The following ZNF529 variants were observed in gnomAD, a reference collection of about 807,000 sequenced individuals.
The protein encoded by ZNF529 is zinc finger protein 529.
In ZNF529, 11 loss-of-function variants were observed where a neutral mutation model predicts 10.1. The ratio of observed to expected loss-of-function variants is 1.09; its 90% CI spans 0.69 to 1.81. The LOEUF (loss-of-function observed/expected upper bound fraction) is 1.81. Ranked by LOEUF, ZNF529 falls within the 40% of genes most tolerant of loss-of-function variation. The pLI is 0.00. For missense variants in ZNF529, 624 were observed against 666.8 expected, an observed-to-expected ratio of 0.94 and a Z score of 0.71; for synonymous variants, 204 against 215.7, an observed-to-expected ratio of 0.95 and a Z score of 0.47.
In ZNF529 at chr19:36,546,550, C is replaced by A; in HGVS notation, c.*316G>T. ...CAGAAAAGATATTGAAGTAATATTA[C>A]AATTAAAAAACTGAATAGTCAAAAG... On this transcript the variant is annotated 3_prime_UTR_variant, in exon 5 of 5. Transcript: ENST00000591340. 1 of 236,120 alleles carries A rather than the reference C, an allele frequency of 4.2e-6. No individual in the cohort carries two copies. The highest frequency in any genetic ancestry group is 8.2e-6 in the Non-Finnish European group (1 of 122,680). The allele number at this position is 236,120 out of a possible 1,614,324, so 14.6% of individuals were successfully genotyped here.
chr19:36,552,528 T>G (rs1022415548), intron 4 of ZNF529, among the ~76,000 whole-genome samples: 2 of 152,152 alleles, frequency 1.3e-5, no homozygotes, highest in African/African-American at 4.8e-5. Context: ...CAGGGGCTAA[T>G]CTCCCTCCTG....
At position 36,554,668 on chromosome 19, in the gene ZNF529, AC is replaced by A; in HGVS notation, c.235+1del. 1 of 1,550,906 alleles carries A rather than the reference AC, an allele frequency of 6.4e-7. No individual in the cohort carries two copies. Among genetic ancestry groups the A allele is most frequent in the Non-Finnish European group, 8.7e-7 (1 of 1,145,976 alleles). ...TAAGTTATTTAAGGCAGATAAATTT[AC>A]CCAGTGAGAGTAAGTTGCTGTAGTT... is the stretch of plus-strand genomic sequence containing the variant. On this transcript the variant is annotated splice_donor_variant, in intron 4 of 4. Transcript: ENST00000591340. LOFTEE classifies it high-confidence loss of function.
rs1436212268 is a variant in ZNF529 at position 36,555,542 on chromosome 19, C to T, written c.108+562G>A. Among the ~76,000 whole-genome samples the T allele has an allele frequency of 2.7e-4, 7 of 25,742 alleles. 3 individuals are homozygous for T. The highest frequency in any genetic ancestry group is 2.5e-3 in the African/African-American group (7 of 2,796). 16.9% of individuals were successfully genotyped at this position (25,742 alleles called of 152,430 possible). ...CGATCTCCTGACCTCATGATCCACC[C>T]GCCTCGGCCTCCCAAAGTGCTGGGA... On this transcript the variant is annotated intron_variant, in intron 3 of 4. Coordinates refer to ENST00000591340, the MANE Select transcript of ZNF529 (RefSeq NM_020951.5).
chr19:36,588,652 G>A (rs1032965818), intron 2 of ZNF529, among the ~76,000 whole-genome samples: 2 of 152,118 alleles, frequency 1.3e-5, no homozygotes, highest in African/African-American at 4.8e-5. Context: ...AAGGGGCCAT[G>A]ACAAATATTA....
chr19:36,578,973 G>A lies in ZNF529; in HGVS notation c.-41+10642C>T, dbSNP rs1266964419. On this transcript the variant is annotated intron_variant, in intron 2 of 4. Transcript: ENST00000585960. ...TATAATCCCAGCACTTGGGGAGGCC[G>A]AGGCGGGTGGATCACCTGCTGAGGT... 3.9e-5 allele frequency among the ~76,000 whole-genome samples: 6 copies of A among 151,992 alleles called. No homozygotes were observed. The East Asian group carries it at 6.0e-4, about 15-fold the overall frequency.
At chr19:36,575,415 C>T (rs2036291273), upstream of ZNF529, among the ~76,000 whole-genome samples, 1 of 152,266 alleles carries the variant, frequency 6.6e-6, no homozygotes, top group East Asian at 1.9e-4. Context: ...AAAATACTTT[C>T]ATCCCTACCA....
At chr19:36,557,651 C>A (rs2035531555) in intron 2 of ZNF529, among the ~76,000 whole-genome samples, 1 of 152,186 alleles carries the variant, frequency 6.6e-6, no homozygotes, top group Non-Finnish European at 1.5e-5. Flanking sequence ...ATACAAGAGC[C>A]AAACCATATT....
chr19:36,602,946 A>AC (rs1490678418), intron 1 of ZNF529, among the ~76,000 whole-genome samples: 8 of 151,334 alleles, frequency 5.3e-5, no homozygotes, highest in Admixed American at 2.6e-4. Context: ...AAAAAAAAAA[A>AC]AAAACACGTG....
At chr19:36,579,951 A>C (rs2036426488) in intron 2 of ZNF529, among the ~76,000 whole-genome samples, 1 of 152,140 alleles carries the variant, frequency 6.6e-6, no homozygotes, top group Admixed American at 6.5e-5. Flanking sequence ...TTCACTTAAA[A>C]CGCAAACACA....
In ZNF529 at chr19:36,546,924, A is replaced by G. The variant is rs372576892; in HGVS notation, c.1634T>C (p.Val545Ala). Residue 545 changes from valine (V) to alanine (A), a missense_variant, in exon 5 of 5, where the codon GTT (valine) becomes GCT (alanine). Val to Ala is a moderately conservative substitution (Grantham distance 64). Transcript: ENST00000591340. Reference sequence around the variant, plus strand: ...CGGTTGGCAAGTAAGATGCCCAACAACACTAAAGGAATTCCCACACTCCTT... The same window carrying G: ...CGGTTGGCAAGTAAGATGCCCAACAGCACTAAAGGAATTCCCACACTCCTT... Reference protein sequence around the residue: ...ECKECGNSFSVVGHLTCQPKI... With the variant: ...ECKECGNSFSAVGHLTCQPKI... The G allele has an allele frequency of 6.2e-7, 1 of 1,613,532 alleles. No individual in the cohort carries two copies. The highest frequency in any genetic ancestry group is 1.3e-5 in the African/African-American group (1 of 74,934).
At chr19:36,581,299 T>A (rs1405904193) in intron 2 of ZNF529, 2 of 152,020 alleles carry the variant, frequency 1.3e-5, no homozygotes, top group African/African-American at 2.4e-5. Context: ...GATCTACAGA[T>A]CATTGAATAA....
chr19:36,561,728 C>G (rs2035704801), intron 2 of ZNF529, among the ~76,000 whole-genome samples: 1 of 152,232 alleles, frequency 6.6e-6, no homozygotes, highest in Admixed American at 6.5e-5. Context: ...CCTATGAGAG[C>G]TGCAGTATGA....
intron 4 of ZNF529, among the ~76,000 whole-genome samples, chr19:36,553,226 A>G (rs570208869): frequency 2.0e-5 from 3 of 152,066 alleles, no homozygotes; most frequent in Non-Finnish European, 2.9e-5. Flanking sequence ...CCCGAGTTCA[A>G]GCGGGTTCCA....
chr19:36,548,044 C>T lies in ZNF529; in HGVS notation c.514G>A (p.Glu172Lys), dbSNP rs753955102. The T allele has an allele frequency of 4.2e-5, 67 of 1,613,744 alleles. No homozygotes were observed. Among genetic ancestry groups the T allele is most frequent in the Non-Finnish European group, 1.7e-6 (2 of 1,179,876 alleles). The stretch of plus-strand genomic sequence containing the variant: ...AAGACCTTCTCATATTCCTTGTATT[C>T]ATAGGGCTTCTCACTGTCATGAGTT... The part of the protein sequence containing the change: ...RRTHDSEKPY[E>K]YKEYEKVFSC... Residue 172 changes from glutamate to lysine, a missense_variant, in exon 5 of 5, where the codon GAA (glutamate) becomes AAA (lysine). Glu to Lys is a moderately conservative substitution (Grantham distance 56). Coordinates refer to ENST00000591340, the MANE Select transcript of ZNF529 (RefSeq NM_020951.5).
upstream of ZNF529, among the ~76,000 whole-genome samples, chr19:36,575,661 C>A (rs1210523423): frequency 2.0e-5 from 3 of 152,032 alleles, no homozygotes; most frequent in South Asian, 4.1e-4. Context: ...AGAAAAATTT[C>A]TTTCAACTGT....
At position 36,554,579 on chromosome 19, in the gene ZNF529, T is replaced by TAAACA. The variant is rs937165693; in HGVS notation, c.235+86_235+90dup. Reference sequence around the variant, plus strand: ...GGTGACAGAGTGAGACTCCATCTCATAAACAAAACAAAACATAGCCTTGAG... The same window carrying TAAACA: ...GGTGACAGAGTGAGACTCCATCTCATAAACAAAACAAAACAAAACATAGCCTTGAG... On this transcript the variant is annotated intron_variant, in intron 4 of 4. Coordinates refer to ENST00000591340, the MANE Select transcript of ZNF529 (RefSeq NM_020951.5). 5 of 1,188,874 alleles carry TAAACA rather than the reference T, an allele frequency of 4.2e-6. No homozygotes were observed. In the African/African-American group the frequency reaches 6.3e-5, roughly 15 times the overall value. 73.6% of individuals were successfully genotyped at this position (1,188,874 alleles called of 1,614,324 possible).
chr19:36,601,351 G>A (rs2036920987), intron 1 of ZNF529, among the ~76,000 whole-genome samples: 1 of 151,916 alleles, frequency 6.6e-6, no homozygotes, highest in Non-Finnish European at 1.5e-5. Context: ...TGATCCGCCT[G>A]CCTCGGCCTC....
At chr19:36,588,063 G>A (rs953997564) in intron 2 of ZNF529, among the ~76,000 whole-genome samples, 1 of 152,216 alleles carries the variant, frequency 6.6e-6, no homozygotes, top group Non-Finnish European at 1.5e-5. Context: ...CAGGAGACTC[G>A]CTTGAACCCG....
intron 2 of ZNF529, chr19:36,582,492 T>G (rs534173862): frequency 6.8e-6 from 1 of 146,016 alleles, no homozygotes; most frequent in South Asian, 2.2e-4. Flanking sequence ...GATCACGAGG[T>G]CAGGAGATCG....
Sources: allele counts gnomAD v4.1 joint callset (sites outside exome capture counted in the v4.1 genomes callset), GRCh38; gene constraint gnomAD v4.1.1; transcripts MANE v1.5; gene names NCBI Gene and HGNC (gene_info 2026-07-23, HGNC 2026-07-21).